The following GPC6 variants were observed in gnomAD, a reference collection of about 807,000 sequenced individuals.
GPC6 encodes glypican-6.
A neutral mutation model predicts 55.2 loss-of-function variants in GPC6; 14 were observed. That is an observed-to-expected ratio of 0.25 (90% CI 0.17 to 0.40). The LOEUF (loss-of-function observed/expected upper bound fraction) is 0.40. Among genes scored for constraint, GPC6 ranks in the 10% least tolerant of loss-of-function variants. The pLI, the probability that GPC6 is intolerant of heterozygous loss-of-function variation, is 1.00. For missense variants in GPC6, 641 were observed against 708.5 expected (o/e 0.90, Z 1.08); for synonymous variants, 278 against 259.6 (o/e 1.07, Z -0.68).
intron 4 of GPC6, among the ~76,000 whole-genome samples, chr13:94,218,796 G>T (rs1890296900): frequency 6.6e-6 from 1 of 152,052 alleles, no homozygotes; most frequent in African/African-American, 2.4e-5. Flanking sequence ...ATCACCTTGG[G>T]ATACTCTTTA....
intron 2 of GPC6, among the ~76,000 whole-genome samples, chr13:93,577,322 A>T (rs185380947): frequency 6.6e-6 from 1 of 152,264 alleles, no homozygotes; most frequent in East Asian, 1.9e-4. Flanking sequence ...GAACATTCTT[A>T]TGTAACTGCA....
At chr13:93,663,889 T>G (rs2139616955) in intron 2 of GPC6, among the ~76,000 whole-genome samples, 1 of 152,318 alleles carries the variant, frequency 6.6e-6, no homozygotes, top group South Asian at 2.1e-4. Context: ...TATAAGTTCC[T>G]TACCAAAACC....
chr13:93,312,738 A>G (rs1879116369), intron 1 of GPC6, among the ~76,000 whole-genome samples: 1 of 152,200 alleles, frequency 6.6e-6, no homozygotes, highest in South Asian at 2.1e-4. Context: ...AGCACCTTGC[A>G]ATACTTCTCT....
intron 4 of GPC6, among the ~76,000 whole-genome samples, chr13:94,146,737 G>C (rs1012150848): frequency 1.3e-5 from 2 of 152,078 alleles, no homozygotes; most frequent in African/African-American, 2.4e-5. Flanking sequence ...ACCAGTTGTT[G>C]TATATCAAAA....
At chr13:94,163,711 G>C (rs1262943898) in intron 4 of GPC6, among the ~76,000 whole-genome samples, 1 of 152,162 alleles carries the variant, frequency 6.6e-6, no homozygotes, top group Admixed American at 6.5e-5. Context: ...AGGGCTGGGT[G>C]GTTCAAGAGA....
At chr13:93,685,012 A>G (rs1881996820) in intron 2 of GPC6, among the ~76,000 whole-genome samples, 1 of 152,234 alleles carries the variant, frequency 6.6e-6, no homozygotes, top group Admixed American at 6.5e-5. Flanking sequence ...ATCTGGTAGC[A>G]AAAAATCACT....
chr13:94,225,575 AC>A (rs1890526766), intron 4 of GPC6, among the ~76,000 whole-genome samples: 1 of 151,992 alleles, frequency 6.6e-6, no homozygotes, highest in Non-Finnish European at 1.5e-5. Context: ...ATTTCCATGA[AC>A]ATTTTGAAGA....
chr13:93,399,015 G>A (rs754527848), intron 1 of GPC6, among the ~76,000 whole-genome samples: 6 of 151,722 alleles, frequency 4.0e-5, no homozygotes, highest in East Asian at 1.9e-4. Flanking sequence ...AATGGTTACC[G>A]TGATCAGTTC....
intron 2 of GPC6, among the ~76,000 whole-genome samples, chr13:93,548,877 T>G (rs1378052389): frequency 1.3e-5 from 2 of 152,210 alleles, no homozygotes; most frequent in African/African-American, 2.4e-5. Context: ...GAATATAGAA[T>G]TAAAATGTCA....
intron 1 of GPC6, among the ~76,000 whole-genome samples, chr13:93,522,308 C>G (rs1291251059): frequency 1.3e-5 from 2 of 151,982 alleles, no homozygotes. Context: ...AGCTTCCAAT[C>G]TCACCCCATT....
intron 2 of GPC6, among the ~76,000 whole-genome samples, chr13:93,671,330 G>A (rs1881348042): frequency 6.6e-6 from 1 of 151,020 alleles, no homozygotes; most frequent in Non-Finnish European, 1.5e-5. Context: ...TCACTGGCCT[G>A]ATTAATAAGG....
At position 94,364,631 on chromosome 13, in the gene GPC6, A is replaced by T. The variant is rs1194784791; in HGVS notation, c.1153-17783A>T. On this transcript the variant is annotated intron_variant, in intron 6 of 8. Transcript: ENST00000377047. ...ATTTTTAATGCTCGTTTATGTGTAT[A>T]TATCATCTTTCCTCCACTGGGTGGT... 2.0e-5 allele frequency among the ~76,000 whole-genome samples: 3 copies of T among 152,268 alleles called. No homozygotes were observed. In the East Asian group the frequency reaches 5.8e-4, roughly 29 times the overall value.
intron 2 of GPC6, among the ~76,000 whole-genome samples, chr13:93,631,969 C>G (rs1164754242): frequency 6.6e-6 from 1 of 152,126 alleles, no homozygotes; most frequent in Non-Finnish European, 1.5e-5. Flanking sequence ...TGGCAGAGCT[C>G]TGCTGTGGAT....
At chr13:93,666,025 A>G (rs1311204271) in intron 2 of GPC6, among the ~76,000 whole-genome samples, 3 of 152,184 alleles carry the variant, frequency 2.0e-5, no homozygotes, top group Non-Finnish European at 4.4e-5. Flanking sequence ...TGAAAAATTA[A>G]AAAGAGAAAA....
At chr13:94,213,699 G>C (rs1463907493) in intron 4 of GPC6, among the ~76,000 whole-genome samples, 3 of 152,166 alleles carry the variant, frequency 2.0e-5, no homozygotes, top group African/African-American at 7.2e-5. Context: ...GTTAGATTGA[G>C]CCGAAGCTGT....
chr13:93,730,851 A>C (rs74108612), intron 2 of GPC6, among the ~76,000 whole-genome samples: 21 of 152,256 alleles, frequency 1.4e-4, no homozygotes, highest in African/African-American at 5.1e-4. Context: ...TTGAAGCAAA[A>C]AGTTGATGAC....
At chr13:94,240,799 G>A (rs141508817) in intron 4 of GPC6, among the ~76,000 whole-genome samples, 2 of 152,212 alleles carry the variant, frequency 1.3e-5, no homozygotes, top group Non-Finnish European at 2.9e-5. Context: ...AGCAGAAGGT[G>A]GAATTACAGA....
Position 93,227,332 on chromosome 13 carries a change from G to T in GPC6, c.-125G>T. The T allele has an allele frequency of 1.1e-6, 1 of 907,698 alleles. No individual in the cohort carries two copies. The highest frequency in any genetic ancestry group is 2.3e-5 in the Admixed American group (1 of 43,236). 56.2% of individuals were successfully genotyped at this position (907,698 alleles called of 1,614,324 possible). ...GCGCTGCTCGTCCCCTCGGCTGGCA[G>T]AAGGGGGTGACGCTGGGCAGCGGCG... On this transcript the variant is annotated 5_prime_UTR_variant, in exon 1 of 9. Transcript: ENST00000377047. This position sits in a 1 kb window ranked among gnomAD's most constrained non-coding sequence, Gnocchi z 4.3.
At chr13:93,776,261 C>G (rs1013743208) in intron 2 of GPC6, among the ~76,000 whole-genome samples, 2 of 152,098 alleles carry the variant, frequency 1.3e-5, no homozygotes, top group African/African-American at 4.8e-5. Flanking sequence ...GTAATGATAG[C>G]TTACATGTAT....
Sources: allele counts gnomAD v4.1 joint callset (sites outside exome capture counted in the v4.1 genomes callset), GRCh38; gene constraint gnomAD v4.1.1; non-coding constraint Gnocchi (gnomAD v3.1); transcripts MANE v1.5; gene names NCBI Gene and HGNC (gene_info 2026-07-23, HGNC 2026-07-21).